Variants in TCERG1L observed in about 807,000 individuals in gnomAD.
TCERG1L encodes the protein transcription elongation regulator 1-like protein.
In TCERG1L, 37 loss-of-function variants were observed where a neutral mutation model predicts 56.3. The observed-to-expected ratio is 0.66, with a 90% CI of 0.51 to 0.87. The LOEUF (loss-of-function observed/expected upper bound fraction) is 0.87, where lower values mean the gene tolerates loss of function less well. TCERG1L is among the 40% of genes least tolerant of loss of function. TCERG1L has a pLI of 0.00. For synonymous variants in TCERG1L, 324 were observed against 326.3 expected, an observed-to-expected ratio of 0.99 and a Z score of 0.08; for missense variants, 799 against 774.2, an observed-to-expected ratio of 1.03 and a Z score of -0.38.
At position 131,285,537 on chromosome 10, in the gene TCERG1L, G is replaced by GAAAAGA. The variant is rs1157932509; in HGVS notation, c.670+22668_670+22673dup. Among the ~76,000 whole-genome samples, 62 of 116,886 alleles carry GAAAAGA rather than the reference G, an allele frequency of 5.3e-4. 3 individuals are homozygous for GAAAAGA. The highest frequency in any genetic ancestry group is 9.3e-4 in the Non-Finnish European group (52 of 56,190). 76.7% of individuals were successfully genotyped at this position (116,886 alleles called of 152,430 possible). A position where few individuals can be genotyped will look rare whatever the true frequency, so the allele number is the denominator to read the frequency against. ...GAAAGAAAGAAAGAGAGAAAGAAAA[G>GAAAAGA]AAAAGAAAGAAAGGAAGGAAGAAAG... On this transcript the variant is annotated intron_variant, in intron 3 of 11. Coordinates refer to ENST00000368642, the MANE Select transcript of TCERG1L (RefSeq NM_174937.4).
At chr10:131,287,004 A>G (rs776506571) in intron 3 of TCERG1L, among the ~76,000 whole-genome samples, 3 of 152,270 alleles carry the variant, frequency 2.0e-5, no homozygotes, top group Non-Finnish European at 4.4e-5. Flanking sequence ...TAACTTTTAC[A>G]TAATTACATG....
chr10:131,200,838 C>T (rs1845424701), intron 4 of TCERG1L, among the ~76,000 whole-genome samples: 2 of 149,988 alleles, frequency 1.3e-5, no homozygotes, highest in Admixed American at 6.8e-5. Flanking sequence ...CATGTGAACA[C>T]ATTAAGAGGT....
At chr10:131,230,573 G>A (rs1589755712) in intron 4 of TCERG1L, among the ~76,000 whole-genome samples, 2 of 152,332 alleles carry the variant, frequency 1.3e-5, no homozygotes, top group African/African-American at 4.8e-5. Flanking sequence ...CCAGATTACA[G>A]GAGAGGCTGA....
At chr10:131,251,717 C>T (rs1846113579) in intron 4 of TCERG1L, among the ~76,000 whole-genome samples, 1 of 152,216 alleles carries the variant, frequency 6.6e-6, no homozygotes, top group Non-Finnish European at 1.5e-5. Flanking sequence ...CTCAGATAAA[C>T]TTCATTCATG....
Position 131,111,645 on chromosome 10 carries a change from C to T in TCERG1L, c.1395+5154G>A, listed in dbSNP as rs193254824. Among the ~76,000 whole-genome samples, 19 of 142,872 alleles carry T rather than the reference C, an allele frequency of 1.3e-4. 3 individuals carry two copies. Among genetic ancestry groups the T allele is most frequent in the Admixed American group, 6.2e-4 (9 of 14,554 alleles). The allele number at this position is 142,872 out of a possible 152,430, so 93.7% of individuals were successfully genotyped here. A position where few individuals can be genotyped will look rare whatever the true frequency, so the allele number is the denominator to read the frequency against. On this transcript the variant is annotated intron_variant, in intron 9 of 11. Transcript: ENST00000368642. The stretch of plus-strand genomic sequence containing the variant: ...ACCCTGCAGCTGGACCTTTGAAATA[C>T]GGTCACGATTTCCTCGCACAGCCTG...
In TCERG1L at chr10:131,311,545, C is replaced by T; in HGVS notation, c.91G>A (p.Ala31Thr). ...CAGGGCGGCGGCGGCGGCGGCTCTG[C>T]GTCCATCGGCCAGAGGAGAGGCTGC... ...RRQPLLWPMD[A>T]EPPPPPPWVW... The change falls in exon 1 of 12, where the codon GCA (alanine) becomes ACA (threonine). Residue 31 changes from alanine to threonine, a missense_variant. Transcript: ENST00000368642. The surrounding 1 kb of genome is among the most constrained non-coding windows in gnomAD (Gnocchi z 4.0). 2 of 1,183,400 alleles carry T rather than the reference C, an allele frequency of 1.7e-6. No individual in the cohort carries two copies. Among genetic ancestry groups the T allele is most frequent in the Non-Finnish European group, 2.1e-6 (2 of 955,702 alleles). The allele number at this position is 1,183,400 out of a possible 1,614,324, so 73.3% of individuals were successfully genotyped here.
chr10:131,247,944 C>T (rs1846056990), intron 4 of TCERG1L, among the ~76,000 whole-genome samples: 1 of 151,612 alleles, frequency 6.6e-6, no homozygotes, highest in Non-Finnish European at 1.5e-5. Context: ...CACAGGTAAA[C>T]TCACATACAC....
intron 4 of TCERG1L, among the ~76,000 whole-genome samples, chr10:131,257,732 G>A (rs1846187925): frequency 6.6e-6 from 1 of 151,962 alleles, no homozygotes; most frequent in South Asian, 2.1e-4. Flanking sequence ...GCAACCCTCA[G>A]GTCATGACAA....
At chr10:131,129,503 G>A (rs1184548605) in intron 8 of TCERG1L, among the ~76,000 whole-genome samples, 1 of 152,196 alleles carries the variant, frequency 6.6e-6, no homozygotes, top group Non-Finnish European at 1.5e-5. Context: ...CTTTTATGTT[G>A]AGCTTTTCCA....
At chr10:131,100,047 A>G (rs540556109) in intron 10 of TCERG1L, among the ~76,000 whole-genome samples, 104 of 151,972 alleles carry the variant, frequency 6.8e-4, no homozygotes, top group African/African-American at 2.5e-3. Context: ...TTGTACTTTT[A>G]GTAGAGACAG....
chr10:131,260,448 C>T lies in TCERG1L; in HGVS notation c.671-4G>A, dbSNP rs367926443. Reference sequence around the variant, plus strand: ...TTAAGGCTGTTATGGCAGCCACCTGCGGAAGAGGGATGCAGAGGGTCAGCA... The same window carrying T: ...TTAAGGCTGTTATGGCAGCCACCTGTGGAAGAGGGATGCAGAGGGTCAGCA... On this transcript the variant is annotated splice_polypyrimidine_tract_variant and splice_region_variant and intron_variant, in intron 3 of 11. Coordinates refer to ENST00000368642, the MANE Select transcript of TCERG1L (RefSeq NM_174937.4). This position sits in a 1 kb window ranked among gnomAD's most constrained non-coding sequence, Gnocchi z 5.8. 38 of 1,400,174 alleles carry T rather than the reference C, an allele frequency of 2.7e-5. No homozygotes were observed. Among genetic ancestry groups the T allele is most frequent in the Admixed American group, 1.9e-4 (5 of 25,722 alleles). 86.7% of individuals were successfully genotyped at this position (1,400,174 alleles called of 1,614,324 possible).
intron 4 of TCERG1L, among the ~76,000 whole-genome samples, chr10:131,195,897 C>A (rs952805682): frequency 5.3e-5 from 8 of 152,248 alleles, no homozygotes; most frequent in African/African-American, 1.4e-4. Context: ...ACAGCCCCTG[C>A]ACCCTGTCCC....
intron 4 of TCERG1L, among the ~76,000 whole-genome samples, chr10:131,205,952 C>G (rs1406060466): frequency 1.3e-5 from 2 of 152,172 alleles, no homozygotes; most frequent in Non-Finnish European, 2.9e-5. Flanking sequence ...TGTGGGCAGA[C>G]AGCTTGCCAT....
At chr10:131,138,734 GAA>G (rs1386504042) in intron 7 of TCERG1L, among the ~76,000 whole-genome samples, 1 of 152,184 alleles carries the variant, frequency 6.6e-6, no homozygotes, top group Non-Finnish European at 1.5e-5. Flanking sequence ...CTATGGGTGA[GAA>G]AAGAGTTGTA....
intron 4 of TCERG1L, among the ~76,000 whole-genome samples, chr10:131,172,659 G>T (rs904858948): frequency 6.6e-6 from 1 of 152,232 alleles, no homozygotes; most frequent in East Asian, 1.9e-4. Context: ...AGCCTTGCTT[G>T]GTTGGACATG....
intron 9 of TCERG1L, among the ~76,000 whole-genome samples, chr10:131,109,960 G>A (rs1420617408): frequency 2.6e-5 from 4 of 152,236 alleles, no homozygotes; most frequent in East Asian, 1.9e-4. Flanking sequence ...AATGGACATC[G>A]CCCAAGCATC....
intron 7 of TCERG1L, among the ~76,000 whole-genome samples, chr10:131,142,300 C>T (rs1845747304): frequency 1.3e-5 from 2 of 152,184 alleles, no homozygotes; most frequent in Non-Finnish European, 2.9e-5. Flanking sequence ...AGGGCTCTGG[C>T]ATTTGTGTTT....
intron 3 of TCERG1L, among the ~76,000 whole-genome samples, chr10:131,301,167 C>G (rs1846758329): frequency 6.6e-6 from 1 of 151,926 alleles, no homozygotes; most frequent in Admixed American, 6.6e-5. Context: ...GGGAAGAAAT[C>G]CTTGTCAATT....
intron 3 of TCERG1L, among the ~76,000 whole-genome samples, chr10:131,307,132 T>C (rs747492309): frequency 2.6e-5 from 4 of 152,228 alleles, no homozygotes; most frequent in African/African-American, 4.8e-5. Context: ...CATCATTAAA[T>C]TAAATAGGAA....
Sources: gnomAD v4.1 joint callset for allele counts (sites outside exome capture counted in the v4.1 genomes callset) on GRCh38, gnomAD v4.1.1 for gene constraint, Gnocchi (gnomAD v3.1) non-coding constraint, MANE v1.5 for transcripts, NCBI Gene and HGNC (gene_info 2026-07-23, HGNC 2026-07-21) for gene names.